The following ADGRG3 variants were observed in gnomAD, a reference collection of about 807,000 sequenced individuals.
ADGRG3 encodes G protein-coupled receptor 97.
A neutral mutation model predicts 54.3 loss-of-function variants in ADGRG3; 39 were observed. The ratio of observed to expected loss-of-function variants is 0.72; its 90% confidence interval spans 0.56 to 0.94. The LOEUF is 0.94. Ranked by LOEUF, ADGRG3 falls within the 40% of genes least tolerant of loss-of-function variation. The pLI is 0.00. For missense variants in ADGRG3, 654 were observed against 694.6 expected (o/e 0.94, Z 0.66); for synonymous variants, 312 against 290.0 (o/e 1.08, Z -0.77).
Position 57,678,233 on chromosome 16 carries a change from C to A in ADGRG3, c.409C>A (p.Leu137Ile), listed in dbSNP as rs764131156. Residue 137 changes from leucine (L) to isoleucine (I), a missense_variant, in exon 4 of 12, where the codon CTT becomes ATT. Transcript: ENST00000333493. Reference sequence around the variant, plus strand: ...TGACAGAGTGCGACTTCCCAAGAGCCTTTTTCGATCCCTGCCAGGCAACAG... The same window carrying A: ...TGACAGAGTGCGACTTCCCAAGAGCATTTTTCGATCCCTGCCAGGCAACAG... ...PPDRVRLPKS[L>I]FRSLPGNRSV... 6 of 1,614,184 alleles carry A rather than the reference C, an allele frequency of 3.7e-6. No individual in the cohort carries two copies. The highest frequency in any genetic ancestry group is 5.1e-6 in the Non-Finnish European group (6 of 1,180,024).
chr16:57,667,097 A>G (rs750938509), upstream of ADGRG3, among the ~76,000 whole-genome samples: 6 of 152,176 alleles, frequency 3.9e-5, no homozygotes, highest in African/African-American at 1.4e-4. Flanking sequence ...CTGCTGCTCC[A>G]TGCTGAATTC....
At chr16:57,684,744 C>A (rs1336185428) in intron 10 of ADGRG3, among the ~76,000 whole-genome samples, 1 of 152,162 alleles carries the variant, frequency 6.6e-6, no homozygotes, top group Non-Finnish European at 1.5e-5. Context: ...CTTACTTGAG[C>A]CTGGGCCAAC....
At chr16:57,680,647 TC>T in intron 8 of ADGRG3, 30 bp downstream of exon 8, 1 of 1,471,134 alleles carries the variant, frequency 6.8e-7, no homozygotes, top group Non-Finnish European at 9.5e-7. Flanking sequence ...CCACCATGTC[TC>T]CCTCCCGCCC....
intron 1 of ADGRG3, among the ~76,000 whole-genome samples, chr16:57,670,595 C>G (rs1467849657): frequency 2.0e-5 from 3 of 152,088 alleles, no homozygotes; most frequent in Non-Finnish European, 1.5e-5. Flanking sequence ...TTTTAAAAAG[C>G]CAACATAGAT....
chr16:57,684,320 C>A, intron 9 of ADGRG3, 70 bp from the exon 10 acceptor site: 3 of 1,562,098 alleles, frequency 1.9e-6, no homozygotes, highest in Admixed American at 1.7e-5. Flanking sequence ...GGATGGCCAT[C>A]TGGAGGGGAC....
Position 57,684,031 on chromosome 16 carries a change from G to T in ADGRG3, c.981G>T (p.Val327=), listed in dbSNP as rs750333365. Residue 327 remains valine, a synonymous_variant, in exon 9 of 12, where the codon GTG becomes GTT. Coordinates refer to ENST00000333493, the MANE Select transcript of ADGRG3 (RefSeq NM_170776.5). ...TGAATCTGGCCTTCTTGGTCAATGT[G>T]GGGAGTGGCTCAAAGGGGTCTGATG... is the stretch of plus-strand genomic sequence containing the variant. The part of the protein sequence containing the change: ...FLLNLAFLVN[V]GSGSKGSDAA... The T allele has an allele frequency of 6.8e-6, 11 of 1,613,562 alleles. No individual in the cohort carries two copies. The highest frequency in any genetic ancestry group is 4.4e-5 in the South Asian group (4 of 91,064).
At chr16:57,666,170 T>C (rs531350264), upstream of ADGRG3, among the ~76,000 whole-genome samples, 173 of 152,258 alleles carry the variant, frequency 1.1e-3, no homozygotes, top group Middle Eastern at 0.017. Context: ...CAGAGCCCCA[T>C]GGCTGGGCTA....
At chr16:57,685,611 C>A in intron 10 of ADGRG3, 32 bp from the exon 11 acceptor site, 1 of 1,608,570 alleles carries the variant, frequency 6.2e-7, no homozygotes, top group Non-Finnish European at 8.5e-7. Context: ...AGGTACCACT[C>A]CCAGTCCCAC....
At chr16:57,676,091 A>T in intron 2 of ADGRG3, 109 bp from the exon 3 acceptor site, 1 of 1,004,414 alleles carries the variant, frequency 1.0e-6, no homozygotes, top group Non-Finnish European at 1.5e-6. Flanking sequence ...TCCTGATCCC[A>T]GGGTCTTTAC....
intron 1 of ADGRG3, 78 bp downstream of exon 1, chr16:57,668,483 C>A (rs2048091341): frequency 2.3e-6 from 3 of 1,326,508 alleles, no homozygotes; most frequent in South Asian, 2.5e-5. Flanking sequence ...CAGGGACAGA[C>A]GCAGGGACTG....
Position 57,684,217 on chromosome 16 carries a change from G to A in ADGRG3, c.1162+5G>A, listed in dbSNP as rs1314129813. The A allele has an allele frequency of 6.2e-7, 1 of 1,610,712 alleles. No individual in the cohort carries two copies. The highest frequency in any genetic ancestry group is 8.5e-7 in the Non-Finnish European group (1 of 1,177,888). ...AGCTGAGCCTGGTGGGCTGGGGTAG[G>A]TGCTGCCTGGATGGACAGAATAAAC... On this transcript the variant is annotated splice_donor_5th_base_variant and intron_variant, in intron 9 of 11. Coordinates refer to ENST00000333493, the MANE Select transcript of ADGRG3 (RefSeq NM_170776.5).
intron 2 of ADGRG3, among the ~76,000 whole-genome samples, chr16:57,674,141 G>A (rs2048214928): frequency 6.6e-6 from 1 of 152,084 alleles, no homozygotes; most frequent in East Asian, 1.9e-4. Context: ...AGGCTTCAGG[G>A]ACCGGTGATG....
chr16:57,676,864 A>C (rs1280220526), intron 3 of ADGRG3, among the ~76,000 whole-genome samples: 1 of 152,134 alleles, frequency 6.6e-6, no homozygotes, highest in African/African-American at 2.4e-5. Context: ...CAAAACAAAC[A>C]AAAGATGAAT....
intron 4 of ADGRG3, 123 bp downstream of exon 4, chr16:57,678,439 A>G: frequency 1.1e-6 from 1 of 937,100 alleles, no homozygotes. Flanking sequence ...TGAGCCTCTT[A>G]GTGTTTCTAA....
chr16:57,685,964 G>A (rs1172818722), intron 11 of ADGRG3, 38 bp downstream of exon 11: 1 of 1,602,614 alleles, frequency 6.2e-7, no homozygotes, highest in Non-Finnish European at 8.5e-7. Flanking sequence ...GGGCTGTGTT[G>A]TCTGTCCCAG....
In ADGRG3 at chr16:57,685,868, C is replaced by T; in HGVS notation, c.1482C>T (p.Ile494=). 1 of 1,614,120 alleles carries T rather than the reference C, an allele frequency of 6.2e-7. No individual in the cohort carries two copies. The highest frequency in any genetic ancestry group is 8.5e-7 in the Non-Finnish European group (1 of 1,180,018). ...TGGGTGTGACATGGGGGTTGGCCAT[C>T]TTCACCCCGTTGGGCCTCTCCACCG... ...SLVGVTWGLA[I]FTPLGLSTVY... Residue 494 remains isoleucine (I), a synonymous_variant, in exon 11 of 12, where the codon ATC becomes ATT. Transcript: ENST00000333493.
chr16:57,688,643 A>G lies in ADGRG3; in HGVS notation c.*182A>G. On this transcript the variant is annotated 3_prime_UTR_variant, in exon 12 of 12. Coordinates refer to ENST00000333493, the MANE Select transcript of ADGRG3 (RefSeq NM_170776.5). ...CCCATCCAGATCCAACTATAGGTCC[A>G]AGAGTCCACGTAAGCAGGTTTGCAA... The G allele has an allele frequency of 1.7e-6, 1 of 600,200 alleles. No individual in the cohort carries two copies. Among genetic ancestry groups the G allele is most frequent in the Non-Finnish European group, 3.0e-6 (1 of 334,132 alleles). 37.2% of individuals were successfully genotyped at this position (600,200 alleles called of 1,614,324 possible).
Position 57,682,149 on chromosome 16 carries a change from G to T in ADGRG3, c.881+1532G>T, listed in dbSNP as rs571014259. On this transcript the variant is annotated intron_variant, in intron 8 of 11. Coordinates refer to ENST00000333493, the MANE Select transcript of ADGRG3 (RefSeq NM_170776.5). ...AAACCTGGGGCTGTGTCCAGAAGAG[G>T]TGGGAGTGAGTGCAGGACAGGCAGA... Among the ~76,000 whole-genome samples the T allele has an allele frequency of 4.6e-5, 7 of 152,354 alleles. No individual in the cohort carries two copies. The East Asian group carries it at 1.3e-3, about 29-fold the overall frequency.
At chr16:57,669,797 G>A (rs1374552637) in intron 1 of ADGRG3, among the ~76,000 whole-genome samples, 1 of 152,236 alleles carries the variant, frequency 6.6e-6, no homozygotes, top group Admixed American at 6.5e-5. Context: ...GTCTGCAGGA[G>A]TGACACAGTG....
Sources: allele counts gnomAD v4.1 joint callset (sites outside exome capture counted in the v4.1 genomes callset), GRCh38; gene constraint gnomAD v4.1.1; transcripts MANE v1.5; gene names NCBI Gene and HGNC (gene_info 2026-07-23, HGNC 2026-07-21).